SLC22A25: variants seen among roughly 807,000 people sequenced by gnomAD.
SLC22A25 encodes solute carrier family 22 member 25.
SLC22A25 carries 44 observed loss-of-function variants against 45.9 expected under a neutral mutation model. That is an observed-to-expected ratio of 0.96 (90% CI 0.75 to 1.23). SLC22A25 has a LOEUF of 1.23. SLC22A25 is among the 50% of genes most tolerant of loss of function. The pLI is 0.00. For synonymous variants in SLC22A25, 283 were observed against 238.6 expected (o/e 1.19, Z -1.72); for missense variants, 800 against 666.4 (o/e 1.20, Z -2.21).
chr11:63,171,408 C>A (rs919805988), intron 9 of SLC22A25, among the ~76,000 whole-genome samples: 3 of 152,076 alleles, frequency 2.0e-5, no homozygotes, highest in African/African-American at 7.2e-5. Flanking sequence ...TTTAGAAAAC[C>A]CCATCATCTC....
At chr11:63,189,234 T>C (rs1276807279) in intron 7 of SLC22A25, among the ~76,000 whole-genome samples, 1 of 152,208 alleles carries the variant, frequency 6.6e-6, no homozygotes. Context: ...TACTCCTGTA[T>C]TGGGCACATA....
At chr11:63,198,603 G>A (rs1258355010) in intron 7 of SLC22A25, among the ~76,000 whole-genome samples, 1 of 152,022 alleles carries the variant, frequency 6.6e-6, no homozygotes, top group Admixed American at 6.6e-5. Flanking sequence ...AGCATTAGGA[G>A]AAATACCTAA....
At chr11:63,195,641 A>G (rs1271259770) in intron 7 of SLC22A25, among the ~76,000 whole-genome samples, 3 of 152,208 alleles carry the variant, frequency 2.0e-5, no homozygotes, top group African/African-American at 7.2e-5. Context: ...AAATGCCCAC[A>G]AGAGAAAGCA....
chr11:63,230,680 T>A (rs1035853834), intron 3 of SLC22A25, among the ~76,000 whole-genome samples: 6 of 152,220 alleles, frequency 3.9e-5, no homozygotes, highest in African/African-American at 1.4e-4. Flanking sequence ...CTTTAAGATC[T>A]AGGGTACATG....
intron 9 of SLC22A25, among the ~76,000 whole-genome samples, chr11:63,177,135 G>GACAAGTCACTT (rs1302274603): frequency 6.6e-6 from 1 of 152,004 alleles, no homozygotes; most frequent in African/African-American, 2.4e-5. Flanking sequence ...CTTAGTACAA[G>GACAAGTCACTT]ACAAGTCACT....
intron 8 of SLC22A25, among the ~76,000 whole-genome samples, chr11:63,182,417 T>C (rs1161138721): frequency 2.0e-5 from 3 of 151,980 alleles, no homozygotes; most frequent in African/African-American, 7.2e-5. Context: ...ATGCTAGGTG[T>C]GTGTGTATGA....
rs560900940 is a variant in SLC22A25 at position 63,160,600 on chromosome 11, C to G, written c.*3224G>C. ...TGAAGTCCATACACAGAGTCTCCAT[C>G]GGAGACTGCTTAGTGGAGCTGTGAG... On this transcript the variant is annotated 3_prime_UTR_variant, in exon 12 of 12. Coordinates refer to ENST00000306494, the MANE Select transcript of SLC22A25 (RefSeq NM_199352.6). 6.6e-6 allele frequency among the ~76,000 whole-genome samples: 1 copy of G among 152,134 alleles called. No homozygotes were observed. The highest frequency in any genetic ancestry group is 1.5e-5 in the Non-Finnish European group (1 of 68,030).
At position 63,176,492 on chromosome 11, in the gene SLC22A25, A is replaced by G. The variant is rs535507924; in HGVS notation, c.1070+4168T>C. ...GTATTATAAATGAGATTGCTTCTTA[A>G]TCTCATTTTTGGATAGTTTGTTGTT... On this transcript the variant is annotated intron_variant, in intron 9 of 11. Transcript: ENST00000306494. 1.2e-4 allele frequency among the ~76,000 whole-genome samples: 18 copies of G among 151,858 alleles called. No individual in the cohort carries two copies. In the South Asian group the frequency reaches 1.7e-3, roughly 14 times the overall value.
In SLC22A25 at chr11:63,172,695, GA is replaced by G. The variant is rs557941012; in HGVS notation, c.1071-6438del. Among the ~76,000 whole-genome samples the G allele has an allele frequency of 2.1e-4, 30 of 145,028 alleles. No homozygotes were observed. In the East Asian group the frequency reaches 6.1e-3, roughly 29 times the overall value. On this transcript the variant is annotated intron_variant, in intron 9 of 11. Coordinates refer to ENST00000306494, the MANE Select transcript of SLC22A25 (RefSeq NM_199352.6). ...TTTAACCTGGTGGATAGCCTAATGT[GA>G]TCCTTAAAAAGTTAGGAAACAACAG...
intron 7 of SLC22A25, among the ~76,000 whole-genome samples, chr11:63,209,138 T>C (rs968209595): frequency 1.3e-5 from 2 of 152,068 alleles, no homozygotes; most frequent in Non-Finnish European, 2.9e-5. Context: ...GTGTTTAAGG[T>C]GGTCACTGGA....
intron 7 of SLC22A25, among the ~76,000 whole-genome samples, chr11:63,216,814 T>C (rs1275517072): frequency 7.3e-6 from 1 of 136,958 alleles, no homozygotes; most frequent in South Asian, 2.3e-4. Context: ...GAACTTAAAA[T>C]AAAAGTTAAA....
At position 63,229,918 on chromosome 11, in the gene SLC22A25, A is replaced by G. The variant is rs374239540; in HGVS notation, c.-266T>C. ...GATACTTCCAACCATTTTCAATGAA[A>G]TGTGTTTAAACATTAGACATCTACT... On this transcript the variant is annotated 5_prime_UTR_variant, in exon 4 of 12. Transcript: ENST00000306494. Among the ~76,000 whole-genome samples the G allele has an allele frequency of 1.3e-5, 2 of 152,310 alleles. No homozygotes were observed. Among genetic ancestry groups the G allele is most frequent in the African/African-American group, 4.8e-5 (2 of 41,582 alleles).
intron 7 of SLC22A25, among the ~76,000 whole-genome samples, chr11:63,209,996 A>G (rs1004860042): frequency 5.9e-5 from 9 of 152,238 alleles, no homozygotes; most frequent in Non-Finnish European, 1.3e-4. Context: ...CAAATGGGAA[A>G]AAAGCAGGAG....
intron 3 of SLC22A25, among the ~76,000 whole-genome samples, chr11:63,232,554 A>G (rs991051558): frequency 3.9e-5 from 6 of 152,178 alleles, no homozygotes; most frequent in African/African-American, 1.4e-4. Flanking sequence ...GGGGTTTTCT[A>G]GATATACAAT....
intron 7 of SLC22A25, among the ~76,000 whole-genome samples, chr11:63,207,415 A>G (rs2089436363): frequency 6.6e-6 from 1 of 152,184 alleles, no homozygotes; most frequent in Non-Finnish European, 1.5e-5. Flanking sequence ...ACTTAAATAA[A>G]TTTACAAGAA....
At chr11:63,216,837 A>AT (rs2089723922) in intron 7 of SLC22A25, among the ~76,000 whole-genome samples, 2 of 114,422 alleles carry the variant, frequency 1.7e-5, no homozygotes, top group African/African-American at 2.6e-5. Context: ...AGATTTTCTT[A>AT]TAAAAAAAGT....
chr11:63,240,397 G>A (rs930223960), intron 1 of SLC22A25, among the ~76,000 whole-genome samples: 11 of 152,120 alleles, frequency 7.2e-5, no homozygotes, highest in Non-Finnish European at 1.2e-4. Context: ...AATGAAATCT[G>A]TTTCAAGTTT....
intron 5 of SLC22A25, among the ~76,000 whole-genome samples, chr11:63,223,246 C>A (rs1326942069): frequency 1.3e-5 from 2 of 152,026 alleles, no homozygotes; most frequent in African/African-American, 4.8e-5. Context: ...GTGAAGTCAT[C>A]AGGTCCCAGG....
At chr11:63,186,599 T>C (rs1485232723) in intron 7 of SLC22A25, among the ~76,000 whole-genome samples, 1 of 152,182 alleles carries the variant, frequency 6.6e-6, no homozygotes, top group Non-Finnish European at 1.5e-5. Context: ...TTTTGGTGTT[T>C]TAGACATGAA....
Sources: allele counts gnomAD v4.1 joint callset (sites outside exome capture counted in the v4.1 genomes callset), GRCh38; gene constraint gnomAD v4.1.1; transcripts MANE v1.5; gene names NCBI Gene and HGNC (gene_info 2026-07-23, HGNC 2026-07-21).